AP1M1: variants seen among roughly 807,000 people sequenced by gnomAD.
The protein encoded by AP1M1 is AP-1 complex subunit mu-1.
A neutral mutation model predicts 57.1 loss-of-function variants in AP1M1; 18 were observed. That is an observed-to-expected ratio of 0.32 (90% CI 0.22 to 0.47). The LOEUF is 0.47. Among genes scored for constraint, AP1M1 ranks in the 20% least tolerant of loss-of-function variants. The pLI is 1.00. For synonymous variants in AP1M1, 241 were observed against 237.9 expected (o/e 1.01, Z -0.12); for missense variants, 362 against 593.5 (o/e 0.61, Z 4.05).
chr19:16,207,956 A>G lies in AP1M1; in HGVS notation c.268-63A>G. The G allele has an allele frequency of 1.3e-6, 2 of 1,559,662 alleles. No homozygotes were observed. Among genetic ancestry groups the G allele is most frequent in the Non-Finnish European group, 1.7e-6 (2 of 1,151,534 alleles). On this transcript the variant is annotated intron_variant, in intron 3 of 11. Coordinates refer to ENST00000291439, the MANE Select transcript of AP1M1 (RefSeq NM_032493.4). This position sits in a 1 kb window ranked among gnomAD's most constrained non-coding sequence, Gnocchi z 4.2. Reference sequence around the variant, plus strand: ...AATGAATGTGTGCAAGCGTTCATTCATTCCTCATCCGTCCGCTCAATGATC... The same window carrying G: ...AATGAATGTGTGCAAGCGTTCATTCGTTCCTCATCCGTCCGCTCAATGATC...
rs890958107 is a variant in AP1M1, at chr19:16,207,218, C to T, written c.268-801C>T. 6.6e-6 allele frequency among the ~76,000 whole-genome samples: 1 copy of T among 152,126 alleles called. No homozygotes were observed. The highest frequency in any genetic ancestry group is 2.4e-5 in the African/African-American group (1 of 41,424). ...CCTGTGCTGGGCCTGGGAAAGCTTT[C>T]ATCCCTCACTGATGCTGCCTGTGCA... On this transcript the variant is annotated intron_variant, in intron 3 of 11. Transcript: ENST00000291439. The surrounding 1 kb of genome is among the most constrained non-coding windows in gnomAD (Gnocchi z 4.2).
At chr19:16,202,902 G>A (rs2091454517) in intron 1 of AP1M1, 1 of 154,998 alleles carries the variant, frequency 6.5e-6, no homozygotes, top group South Asian at 1.9e-4. Context: ...TTGAGAAACT[G>A]CCAGACTACA....
At chr19:16,210,242 G>A (rs2091488092) in intron 5 of AP1M1, 2 of 626,934 alleles carry the variant, frequency 3.2e-6, no homozygotes, top group Non-Finnish European at 3.0e-6. Flanking sequence ...TTTATTTTCT[G>A]TTCTGAACCA....
chr19:16,244,026 T>C lies in AP1M1; in HGVS notation c.*9591T>C, dbSNP rs2091654326. 6.6e-6 allele frequency: 1 copy of C among 152,130 alleles called. No homozygotes were observed. Among genetic ancestry groups the C allele is most frequent in the African/African-American group, 2.4e-5 (1 of 41,428 alleles). 9.4% of individuals were successfully genotyped at this position (152,130 alleles called of 1,614,324 possible). A position where few individuals can be genotyped will look rare whatever the true frequency, so the allele number is the denominator to read the frequency against. ...CGAGAATCCATCAAGCATTGATGATTTGCACACTCTTTTGTGTATATGTTA... is the reference window on the plus strand; with the variant it reads ...CGAGAATCCATCAAGCATTGATGATCTGCACACTCTTTTGTGTATATGTTA... On this transcript the variant is annotated 3_prime_UTR_variant, in exon 12 of 12. Coordinates refer to ENST00000291439, the MANE Select transcript of AP1M1 (RefSeq NM_032493.4).
intron 5 of AP1M1, among the ~76,000 whole-genome samples, chr19:16,222,411 T>C (rs4808474): frequency 6.6e-6 from 1 of 151,138 alleles, no homozygotes; most frequent in African/African-American, 2.4e-5. Context: ...TGAGGGTCTC[T>C]CTGTGTTGCC....
Position 16,226,415 on chromosome 19 carries a change from C to T in AP1M1, c.547-6C>T. 6.5e-7 allele frequency: 1 copy of T among 1,530,106 alleles called. No homozygotes were observed. Among genetic ancestry groups the T allele is most frequent in the Non-Finnish European group, 8.8e-7 (1 of 1,135,514 alleles). 94.8% of individuals were successfully genotyped at this position (1,530,106 alleles called of 1,614,324 possible). On this transcript the variant is annotated splice_polypyrimidine_tract_variant and splice_region_variant and intron_variant, in intron 5 of 11. Coordinates refer to ENST00000291439, the MANE Select transcript of AP1M1 (RefSeq NM_032493.4). The stretch of plus-strand genomic sequence containing the variant: ...CCTCCCCTCACGCCCACACCGCCAC[C>T]CCCAGGTCAGCGCCAACGGCAATGT...
In AP1M1 at chr19:16,207,016, G is replaced by C. The variant is rs183107404; in HGVS notation, c.267+608G>C. On this transcript the variant is annotated intron_variant, in intron 3 of 11. Transcript: ENST00000291439. This position sits in a 1 kb window ranked among gnomAD's most constrained non-coding sequence, Gnocchi z 4.2. ...ATTCCACTTCTGATGAAAGGTAGTG[G>C]AGGGCTTTAAGCAGGAGACTGACAA... Among the ~76,000 whole-genome samples, 40 of 152,342 alleles carry C rather than the reference G, an allele frequency of 2.6e-4. 1 individual carries two copies. In the East Asian group the frequency reaches 7.3e-3, roughly 28 times the overall value.
chr19:16,231,287 C>CAAAAAAAA (rs1231125818), intron 9 of AP1M1, among the ~76,000 whole-genome samples: 1 of 115,170 alleles, frequency 8.7e-6, no homozygotes, highest in Admixed American at 8.6e-5. Context: ...GACTCTGTCT[C>CAAAAAAAA]AAAAAAAAAA....
chr19:16,233,957 A>G, intron 10 of AP1M1: 2 of 558,170 alleles, frequency 3.6e-6, no homozygotes, highest in South Asian at 5.1e-5. Context: ...GGGCCCCCCA[A>G]GCAGGCTGCT....
intron 5 of AP1M1, among the ~76,000 whole-genome samples, chr19:16,219,401 T>G (rs55693145): frequency 0.63 from 88,087 of 140,824 alleles, 28,847 homozygotes; most frequent in Non-Finnish European, 0.76. Flanking sequence ...TTTTTTTGTT[T>G]TTTTTTTTTT....
chr19:16,210,262 A>G (rs68150030), intron 5 of AP1M1: 69,514 of 667,816 alleles, frequency 0.1, 5,120 homozygotes, highest in East Asian at 0.36. Flanking sequence ...ACAGAAGGAC[A>G]TTTGGGTGGT....
intron 11 of AP1M1, 42 bp downstream of exon 11, chr19:16,234,316 G>A (rs755934381): frequency 1.9e-6 from 3 of 1,611,262 alleles, no homozygotes; most frequent in South Asian, 2.2e-5. Context: ...GTACTGAGGG[G>A]TCCTCTGTGG....
intron 5 of AP1M1, among the ~76,000 whole-genome samples, chr19:16,213,750 C>T (rs534484903): frequency 6.6e-6 from 1 of 152,316 alleles, no homozygotes; most frequent in East Asian, 1.9e-4. Flanking sequence ...GCCTCGGCCT[C>T]CCAAAGTGCT....
At chr19:16,229,443 G>A (rs923682762) in intron 9 of AP1M1, among the ~76,000 whole-genome samples, 1 of 152,240 alleles carries the variant, frequency 6.6e-6, no homozygotes, top group East Asian at 1.9e-4. Context: ...ATTCTGAGGA[G>A]CTGAGTCTGG....
At chr19:16,209,711 A>G (rs779407667) in intron 5 of AP1M1, among the ~76,000 whole-genome samples, 4 of 152,180 alleles carry the variant, frequency 2.6e-5, no homozygotes, top group Non-Finnish European at 5.9e-5. Context: ...GTAGACAGAC[A>G]GAAACAAGTA....
At position 16,234,388 on chromosome 19, in the gene AP1M1, A is replaced by G. The variant is rs201201130; in HGVS notation, c.1250-25A>G. ...AAGCAGGGAGGGTGCAGAGCCCAGC[A>G]TGACGCCTCCCTCCTGTCTCCTAGA... On this transcript the variant is annotated intron_variant, in intron 11 of 11. Coordinates refer to ENST00000291439, the MANE Select transcript of AP1M1 (RefSeq NM_032493.4). 37 of 1,613,956 alleles carry G rather than the reference A, an allele frequency of 2.3e-5. No homozygotes were observed. In the Admixed American group the frequency reaches 6.0e-4, roughly 26 times the overall value.
intron 5 of AP1M1, among the ~76,000 whole-genome samples, chr19:16,218,640 T>A (rs536969878): frequency 6.6e-6 from 1 of 152,292 alleles, no homozygotes; most frequent in South Asian, 2.1e-4. Context: ...TGTCCCTGTC[T>A]CTTAGTGGGA....
At chr19:16,210,060 G>A (rs893341713) in intron 5 of AP1M1, among the ~76,000 whole-genome samples, 5 of 152,092 alleles carry the variant, frequency 3.3e-5, no homozygotes, top group South Asian at 4.2e-4. Flanking sequence ...ATTGTCACAC[G>A]AGTGGCATCA....
At position 16,228,864 on chromosome 19, in the gene AP1M1, CGGT is replaced by C; in HGVS notation, c.986_988del (p.Val329del). 2 of 1,614,202 alleles carry C rather than the reference CGGT, an allele frequency of 1.2e-6. No homozygotes were observed. The highest frequency in any genetic ancestry group is 1.7e-6 in the Non-Finnish European group (2 of 1,180,038). On this transcript the variant is annotated inframe_deletion, in exon 9 of 12. Transcript: ENST00000291439. This position sits in a 1 kb window ranked among gnomAD's most constrained non-coding sequence, Gnocchi z 5.0. Reference sequence around the variant, plus strand: ...GCCGACTCACCCAAGTTCAAGACGACGGTGGGGAGCGTTAAGTGGGTCCCCGAG... The same window carrying C: ...GCCGACTCACCCAAGTTCAAGACGACGGGGAGCGTTAAGTGGGTCCCCGAG...
Sources: allele counts gnomAD v4.1 joint callset (sites outside exome capture counted in the v4.1 genomes callset), GRCh38; gene constraint gnomAD v4.1.1; non-coding constraint Gnocchi (gnomAD v3.1); transcripts MANE v1.5; gene names NCBI Gene and HGNC (gene_info 2026-07-23, HGNC 2026-07-21).